MYO18B: variants seen among roughly 807,000 people sequenced by gnomAD.
MYO18B encodes unconventional myosin-XVIIIb.
In MYO18B, 204 loss-of-function variants were observed where a neutral mutation model predicts 273.0. The ratio of observed to expected loss-of-function variants is 0.75; its 90% CI spans 0.67 to 0.84. The LOEUF (loss-of-function observed/expected upper bound fraction) is 0.84, where lower values mean the gene tolerates loss of function less well. MYO18B is among the 40% of genes least tolerant of loss of function. The pLI, the probability that MYO18B is intolerant of heterozygous loss-of-function variation, is 0.00. For missense variants in MYO18B, 3,212 were observed against 3,287.6 expected, an observed-to-expected ratio of 0.98 and a Z score of 0.56; for synonymous variants, 1,330 against 1,305.7, an observed-to-expected ratio of 1.02 and a Z score of -0.40.
At chr22:25,929,030 C>T (rs1472886460) in intron 34 of MYO18B, among the ~76,000 whole-genome samples, 12 of 151,970 alleles carry the variant, frequency 7.9e-5, no homozygotes, top group Non-Finnish European at 1.6e-4. Flanking sequence ...GGCATGATGG[C>T]GCATGCCTGT....
In MYO18B at chr22:25,921,296, AGAGACCTCAGGAGGACACATGCACT is replaced by A; in HGVS notation, c.5406_5430del (p.Arg1802SerfsTer42). 1.3e-6 allele frequency: 2 copies of A among 1,556,898 alleles called. No individual in the cohort carries two copies. Among genetic ancestry groups the A allele is most frequent in the South Asian group, 2.4e-5 (2 of 84,206 alleles). On this transcript the variant is annotated frameshift_variant, in exon 34 of 44. Coordinates refer to ENST00000335473, the MANE Select transcript of MYO18B (RefSeq NM_032608.7). LOFTEE classifies it high-confidence loss of function. The stretch of plus-strand genomic sequence containing the variant: ...CTTTGATGTGGAGAAGCGACTTCGG[AGAGACCTCAGGAGGACACATGCACT>A]GTTGTCAGACGTGCAGCTCCTTCTG...
chr22:25,964,948 T>C (rs2092960986), intron 39 of MYO18B: 1 of 152,148 alleles, frequency 6.6e-6, no homozygotes, highest in Non-Finnish European at 1.5e-5. Context: ...TCCAGCAAAA[T>C]CCAATCCCAA....
chr22:25,810,098 C>CTTTT (rs566532119), intron 12 of MYO18B, among the ~76,000 whole-genome samples: 2 of 132,440 alleles, frequency 1.5e-5, no homozygotes, highest in Non-Finnish European at 3.2e-5. Context: ...TTCCTTCAGG[C>CTTTT]TTTTTTTTTT....
chr22:26,043,278 A>G, the MYO18B span, among the ~76,000 whole-genome samples: 3 of 152,312 alleles, frequency 2.0e-5, no homozygotes, highest in African/African-American at 7.2e-5. Context: ...GTCCAAATAT[A>G]CCACAGTCAT....
At chr22:25,936,428 A>T (rs1199815281) in intron 34 of MYO18B, among the ~76,000 whole-genome samples, 1 of 152,194 alleles carries the variant, frequency 6.6e-6, no homozygotes, top group Non-Finnish European at 1.5e-5. Context: ...GGTGGTGAAC[A>T]TATTCCACAG....
chr22:26,039,813 C>G, the MYO18B span, among the ~76,000 whole-genome samples: 1 of 151,980 alleles, frequency 6.6e-6, no homozygotes, highest in Non-Finnish European at 1.5e-5. Flanking sequence ...AACCCTGAGT[C>G]CCCAAAGTCC....
At position 26,027,622 on chromosome 22, in the gene MYO18B, A is replaced by T; in HGVS notation, c.7648A>T (p.Thr2550Ser). 1 of 1,613,874 alleles carries T rather than the reference A, an allele frequency of 6.2e-7. No individual in the cohort carries two copies. Among genetic ancestry groups the T allele is most frequent in the Non-Finnish European group, 8.5e-7 (1 of 1,179,844 alleles). Reference sequence around the variant, plus strand: ...GTCCCCCGAGCGGAGAGAGCCAGGGACGGGGAGGAAAGACGACGATGTTGC... The same window carrying T: ...GTCCCCCGAGCGGAGAGAGCCAGGGTCGGGGAGGAAAGACGACGATGTTGC... ...RTSPERREPG[T>S]GRKDDDVASI... Residue 2550 changes from threonine to serine, a missense_variant, in exon 43 of 44, where the codon ACG becomes TCG. By Grantham distance (58) the Thr-to-Ser change is moderately conservative (BLOSUM62 1). Transcript: ENST00000335473. The surrounding 1 kb of genome is among the most constrained non-coding windows in gnomAD (Gnocchi z 4.1).
At chr22:25,932,878 C>A (rs1569206397) in intron 34 of MYO18B, among the ~76,000 whole-genome samples, 1 of 151,772 alleles carries the variant, frequency 6.6e-6, no homozygotes, top group Non-Finnish European at 1.5e-5. Flanking sequence ...ATGTAAGTAC[C>A]CACATATATA....
chr22:25,966,900 A>G (rs2092985462), intron 39 of MYO18B, among the ~76,000 whole-genome samples: 1 of 152,198 alleles, frequency 6.6e-6, no homozygotes, highest in Non-Finnish European at 1.5e-5. Flanking sequence ...ATCTAACGAA[A>G]GAGTTTCTTT....
At position 25,756,029 on chromosome 22, in the gene MYO18B, C is replaced by T. The variant is rs144063497; in HGVS notation, c.-109-4955C>T. On this transcript the variant is annotated intron_variant, in intron 1 of 43. Transcript: ENST00000335473. ...ACTTTTGCCTCAGCCTCCCCAGTAG[C>T]TGGGACTACAGGGGCCTGCCACCAC... Among the ~76,000 whole-genome samples the T allele has an allele frequency of 7.2e-3, 1,097 of 152,232 alleles. 7 individuals are homozygous for T. Among genetic ancestry groups the T allele is most frequent in the Middle Eastern group, 0.051 (15 of 292 alleles).
At position 25,993,904 on chromosome 22, in the gene MYO18B, AT is replaced by A. The variant is rs11434878; in HGVS notation, c.6287+1421del. Among the ~76,000 whole-genome samples, 1,230 of 151,086 alleles carry A rather than the reference AT, an allele frequency of 8.1e-3. 7 individuals carry two copies. Among genetic ancestry groups the A allele is most frequent in the East Asian group, 0.03 (153 of 5,146 alleles). On this transcript the variant is annotated intron_variant, in intron 40 of 43. Coordinates refer to ENST00000335473, the MANE Select transcript of MYO18B (RefSeq NM_032608.7). ...CTGAGGAAAGGCGTTACGGGTGACA[AT>A]TTTTTTTTTCTTCAAGTTTATTTAT...
intron 21 of MYO18B, among the ~76,000 whole-genome samples, chr22:25,856,927 C>T (rs983153061): frequency 6.6e-6 from 1 of 152,064 alleles, no homozygotes; most frequent in Non-Finnish European, 1.5e-5. Flanking sequence ...ATGAAGGAAG[C>T]GAAGTCCATG....
At chr22:25,841,191 G>A (rs1043825948) in intron 17 of MYO18B, among the ~76,000 whole-genome samples, 10 of 152,132 alleles carry the variant, frequency 6.6e-5, no homozygotes, top group South Asian at 2.1e-4. Context: ...ATCAACCTCC[G>A]AGTGTGACCT....
intron 1 of MYO18B, among the ~76,000 whole-genome samples, chr22:25,752,794 C>T (rs2085973402): frequency 6.6e-6 from 1 of 152,332 alleles, no homozygotes; most frequent in East Asian, 1.9e-4. Flanking sequence ...TGGCCGAGGC[C>T]GGAGCCGGCT....
rs2091397728 is a variant in MYO18B at position 25,883,251 on chromosome 22, C to G, written c.4314+5203C>G. ...GGAACAGTTAGCTCTGTATCTTCCCCAGTCCACCTCCTGAGGGTCTGACCC... is the reference window on the plus strand; with the variant it reads ...GGAACAGTTAGCTCTGTATCTTCCCGAGTCCACCTCCTGAGGGTCTGACCC... On this transcript the variant is annotated intron_variant, in intron 25 of 43. Coordinates refer to ENST00000335473, the MANE Select transcript of MYO18B (RefSeq NM_032608.7). This position sits in a 1 kb window ranked among gnomAD's most constrained non-coding sequence, Gnocchi z 7.6. The G allele has an allele frequency of 6.6e-6, 1 of 152,356 alleles. No homozygotes were observed. The highest frequency in any genetic ancestry group is 2.1e-4 in the South Asian group (1 of 4,824). The allele number at this position is 152,356 out of a possible 1,614,324, so 9.4% of individuals were successfully genotyped here. A position where few individuals can be genotyped will look rare whatever the true frequency, so the allele number is the denominator to read the frequency against.
intron 42 of MYO18B, among the ~76,000 whole-genome samples, chr22:26,016,861 G>T (rs905742633): frequency 1.3e-5 from 2 of 152,216 alleles, no homozygotes; most frequent in Non-Finnish European, 2.9e-5. Flanking sequence ...GGGCGGAAAG[G>T]CTTCCTGGGG....
rs554256762 is a variant in MYO18B at position 25,932,740 on chromosome 22, A to G, written c.5517+11331A>G. On this transcript the variant is annotated intron_variant, in intron 34 of 43. Transcript: ENST00000335473. ...ATATTTTCTAATCCAGGAGTTGGCA[A>G]ACTAGGGCCCAAAAGCCAAGTCCAG... Among the ~76,000 whole-genome samples the G allele has an allele frequency of 6.1e-4, 93 of 152,226 alleles. No homozygotes were observed. The South Asian group carries it at 0.018, about 29-fold the overall frequency.
downstream of MYO18B, among the ~76,000 whole-genome samples, chr22:26,034,972 C>T (rs1289163411): frequency 6.6e-6 from 1 of 152,186 alleles, no homozygotes; most frequent in Non-Finnish European, 1.5e-5. Flanking sequence ...CTTCGTGAAG[C>T]TTATGGTTTA....
intron 33 of MYO18B, among the ~76,000 whole-genome samples, chr22:25,917,743 T>C (rs2092284415): frequency 6.6e-6 from 1 of 152,208 alleles, no homozygotes; most frequent in African/African-American, 2.4e-5. Flanking sequence ...TTTACATTGC[T>C]CTCCCTCTAT....
Sources: gnomAD v4.1 joint callset for allele counts (sites outside exome capture counted in the v4.1 genomes callset) on GRCh38, gnomAD v4.1.1 for gene constraint, Gnocchi (gnomAD v3.1) non-coding constraint, MANE v1.5 for transcripts, NCBI Gene and HGNC (gene_info 2026-07-23, HGNC 2026-07-21) for gene names.